DYNC1H1: variants seen among roughly 807,000 people sequenced by gnomAD.
DYNC1H1 encodes cytoplasmic dynein 1 heavy chain 1.
Under a neutral mutation model 527.1 loss-of-function variants are expected in DYNC1H1, and 51 were observed. That is an observed-to-expected ratio of 0.10 (90% CI 0.08 to 0.12). The LOEUF is 0.12. DYNC1H1 is among the 10% of genes least tolerant of loss of function. The pLI is 1.00. For synonymous variants in DYNC1H1, 2,189 were observed against 2,278.8 expected, an observed-to-expected ratio of 0.96 and a Z score of 1.12; for missense variants, 2,771 against 5,971.8, an observed-to-expected ratio of 0.46 and a Z score of 17.66.
chr14:102,046,798 GTTT>G (rs770862063), intron 72 of DYNC1H1, among the ~76,000 whole-genome samples: 1 of 142,860 alleles, frequency 7.0e-6, no homozygotes, highest in African/African-American at 2.6e-5. Context: ...TGCTGGTTCC[GTTT>G]TTTTTTTTTT....
chr14:101,964,940 G>C lies in DYNC1H1; in HGVS notation c.249G>C (p.Thr83=), dbSNP rs1024563256. 5.6e-6 allele frequency: 9 copies of C among 1,596,146 alleles called. No homozygotes were observed. Among genetic ancestry groups the C allele is most frequent in the Non-Finnish European group, 7.7e-6 (9 of 1,172,820 alleles). The change falls in exon 1 of 78, where the codon ACG becomes ACC. Residue 83 remains threonine, a synonymous_variant. Transcript: ENST00000360184. The surrounding 1 kb of genome is among the most constrained non-coding windows in gnomAD (Gnocchi z 5.5). ...ACACGGTGCTGGTGGAGCGCTCCAC[G>C]CTCAAAGGTGCGGGGCCGCGGAGGG... ...QVHTVLVERS[T]LKEDVGDEGE...
At chr14:101,994,370 A>G (rs199543342) in intron 12 of DYNC1H1, 46 bp downstream of exon 12, 2 of 1,613,226 alleles carry the variant, frequency 1.2e-6, no homozygotes, top group African/African-American at 1.3e-5. Context: ...GGTCTATTCT[A>G]GACACTTAAG....
Position 102,038,474 on chromosome 14 carries a change from C to T in DYNC1H1, c.10923C>T (p.Tyr3641=). The T allele has an allele frequency of 1.2e-6, 2 of 1,614,030 alleles. No individual in the cohort carries two copies. The highest frequency in any genetic ancestry group is 1.1e-5 in the South Asian group (1 of 91,060). Residue 3641 remains tyrosine (Y), a synonymous_variant, in exon 58 of 78, where the codon TAC becomes TAT. Coordinates refer to ENST00000360184, the MANE Select transcript of DYNC1H1 (RefSeq NM_001376.5). This position sits in a 1 kb window ranked among gnomAD's most constrained non-coding sequence, Gnocchi z 7.2. ...GTGGAATGCAGGATGTGGAAAGCTACGATCCAGTTTTGAACCCGGTGCTGA... is the reference window on the plus strand; with the variant it reads ...GTGGAATGCAGGATGTGGAAAGCTATGATCCAGTTTTGAACCCGGTGCTGA... The part of the protein sequence containing the change: ...NPLLVQDVES[Y]DPVLNPVLNR...
At chr14:102,046,895 C>A (rs1005025459) in intron 72 of DYNC1H1, among the ~76,000 whole-genome samples, 1 of 151,700 alleles carries the variant, frequency 6.6e-6, no homozygotes. Flanking sequence ...GCTTTCTGGG[C>A]TCAAGCGATC....
At position 102,005,369 on chromosome 14, in the gene DYNC1H1, T is replaced by C; in HGVS notation, c.5433+133T>C. 7.9e-7 allele frequency: 1 copy of C among 1,263,808 alleles called. No individual in the cohort carries two copies. The highest frequency in any genetic ancestry group is 1.1e-6 in the Non-Finnish European group (1 of 876,030). The allele number at this position is 1,263,808 out of a possible 1,614,324, so 78.3% of individuals were successfully genotyped here. ...AACAGTGGATGGTGTATGGATATCC[T>C]CTGAGGGTGGGCATTTGGCTCCCTG... On this transcript the variant is annotated intron_variant, in intron 26 of 77. Transcript: ENST00000360184. The surrounding 1 kb of genome is among the most constrained non-coding windows in gnomAD (Gnocchi z 4.0).
intron 1 of DYNC1H1, among the ~76,000 whole-genome samples, chr14:101,973,325 A>T (rs1047226538): frequency 4.6e-5 from 7 of 151,870 alleles, no homozygotes; most frequent in African/African-American, 1.7e-4. Context: ...CACCCAGCTA[A>T]TTTTTTTAAT....
At chr14:102,026,731 C>T (rs969123764) in intron 44 of DYNC1H1, 24 bp downstream of exon 44, 1 of 1,611,690 alleles carries the variant, frequency 6.2e-7, no homozygotes, top group Non-Finnish European at 8.5e-7. Context: ...TTGTTACAGC[C>T]CCACCTCTCG....
At chr14:102,028,228 A>C in intron 48 of DYNC1H1, 87 bp downstream of exon 48, 1 of 1,489,096 alleles carries the variant, frequency 6.7e-7, no homozygotes, top group Non-Finnish European at 9.3e-7. Context: ...AATAGACCTT[A>C]AGGCCAGGTG....
chr14:102,041,315 G>A lies in DYNC1H1; in HGVS notation c.11942-259G>A. 1 of 537,486 alleles carries A rather than the reference G, an allele frequency of 1.9e-6. No individual in the cohort carries two copies. Among genetic ancestry groups the A allele is most frequent in the South Asian group, 2.0e-5 (1 of 51,250 alleles). The allele number at this position is 537,486 out of a possible 1,614,324, so 33.3% of individuals were successfully genotyped here. A position where few individuals can be genotyped will look rare whatever the true frequency, so the allele number is the denominator to read the frequency against. Reference sequence around the variant, plus strand: ...TTCAGGTGTTCTCAGGAAGTGAGCAGGTATTAGTTTAGTAATCTAAAAATC... The same window carrying A: ...TTCAGGTGTTCTCAGGAAGTGAGCAAGTATTAGTTTAGTAATCTAAAAATC... On this transcript the variant is annotated intron_variant, in intron 64 of 77. Coordinates refer to ENST00000360184, the MANE Select transcript of DYNC1H1 (RefSeq NM_001376.5). The surrounding 1 kb of genome is among the most constrained non-coding windows in gnomAD (Gnocchi z 4.5).
In DYNC1H1 at chr14:102,002,412, C is replaced by G. The variant is rs1211514199; in HGVS notation, c.4543-125C>G. 1 of 1,349,232 alleles carries G rather than the reference C, an allele frequency of 7.4e-7. No homozygotes were observed. The highest frequency in any genetic ancestry group is 1.1e-6 in the Non-Finnish European group (1 of 950,694). 83.6% of individuals were successfully genotyped at this position (1,349,232 alleles called of 1,614,324 possible). ...AGGCGTGAGCCACCACACCCGTCTACTTGTTGTTTAAAATGTGAATCAGAT... is the reference window on the plus strand; with the variant it reads ...AGGCGTGAGCCACCACACCCGTCTAGTTGTTGTTTAAAATGTGAATCAGAT... On this transcript the variant is annotated intron_variant, in intron 21 of 77. Coordinates refer to ENST00000360184, the MANE Select transcript of DYNC1H1 (RefSeq NM_001376.5). This position sits in a 1 kb window ranked among gnomAD's most constrained non-coding sequence, Gnocchi z 4.4.
chr14:101,973,737 A>G (rs1188183071), intron 1 of DYNC1H1, among the ~76,000 whole-genome samples: 2 of 152,178 alleles, frequency 1.3e-5, no homozygotes, highest in African/African-American at 4.8e-5. Flanking sequence ...CCAGAAGATC[A>G]AGACTACAGT....
rs201722021 is a variant in DYNC1H1, at chr14:102,042,622, C to T, written c.12400-13C>T. The stretch of plus-strand genomic sequence containing the variant: ...CCACACCCGAGCATAACTGGAACGG[C>T]GCTCTCCCTTAGGTGCCTGTGAATC... On this transcript the variant is annotated splice_polypyrimidine_tract_variant and intron_variant, in intron 68 of 77. Transcript: ENST00000360184. The surrounding 1 kb of genome is among the most constrained non-coding windows in gnomAD (Gnocchi z 5.7). The T allele has an allele frequency of 3.8e-5, 62 of 1,614,090 alleles. No homozygotes were observed. The Admixed American group carries it at 4.5e-4, about 12-fold the overall frequency.
At chr14:102,019,015 G>A (rs2048355769) in intron 41 of DYNC1H1, among the ~76,000 whole-genome samples, 1 of 152,188 alleles carries the variant, frequency 6.6e-6, no homozygotes, top group African/African-American at 2.4e-5. Context: ...TGAGCCGAGA[G>A]ACTTTCTCCA....
At position 102,044,766 on chromosome 14, in the gene DYNC1H1, C is replaced by T. The variant is rs899749184; in HGVS notation, c.13006+68C>T. ...GGGTCCCCTCACGCGGGGTGGGTGG[C>T]GAGGGTCCCCACACGCAGGGTGAGT... On this transcript the variant is annotated intron_variant, in intron 72 of 77. Coordinates refer to ENST00000360184, the MANE Select transcript of DYNC1H1 (RefSeq NM_001376.5). The surrounding 1 kb of genome is among the most constrained non-coding windows in gnomAD (Gnocchi z 7.1). The T allele has an allele frequency of 6.3e-6, 9 of 1,417,604 alleles. No individual in the cohort carries two copies. The highest frequency in any genetic ancestry group is 2.6e-5 in the South Asian group (2 of 77,226). The allele number at this position is 1,417,604 out of a possible 1,614,324, so 87.8% of individuals were successfully genotyped here.
At chr14:102,013,774 C>T (rs755097051) in intron 34 of DYNC1H1, among the ~76,000 whole-genome samples, 1 of 152,162 alleles carries the variant, frequency 6.6e-6, no homozygotes, top group Non-Finnish European at 1.5e-5. Flanking sequence ...GGGTGAAAGC[C>T]AGGAGGCCAG....
rs939154075 is a variant in DYNC1H1 at position 102,020,539 on chromosome 14, T to G, written c.8507+483T>G. On this transcript the variant is annotated intron_variant, in intron 42 of 77. Coordinates refer to ENST00000360184, the MANE Select transcript of DYNC1H1 (RefSeq NM_001376.5). This position sits in a 1 kb window ranked among gnomAD's most constrained non-coding sequence, Gnocchi z 4.3. ...CCACCCCTCTTCCTGTTTCTCAGTC[T>G]GTGTTCTCATCAAAGGCTTTGCAGC... 6.6e-6 allele frequency among the ~76,000 whole-genome samples: 1 copy of G among 152,204 alleles called. No homozygotes were observed. The highest frequency in any genetic ancestry group is 1.5e-5 in the Non-Finnish European group (1 of 68,042).
intron 63 of DYNC1H1, 73 bp from the exon 64 acceptor site, chr14:102,040,525 C>A: frequency 6.2e-7 from 1 of 1,612,074 alleles, no homozygotes. Context: ...TCGCGTCAGA[C>A]TCTCGCTCAG....
chr14:102,015,242 C>T lies in DYNC1H1; in HGVS notation c.7152C>T (p.Ser2384=), dbSNP rs376471830. ...ACAACTTCCTGGCCAGGCTGCGCAG[C>T]ATCCCGCTGGATGAAGGGGAGGATG... ...IFNNFLARLR[S]IPLDEGEDEA... is the part of the protein sequence containing the mutation. The change falls in exon 35 of 78, where the codon AGC becomes AGT. Residue 2384 remains serine, a synonymous_variant. Coordinates refer to ENST00000360184, the MANE Select transcript of DYNC1H1 (RefSeq NM_001376.5). The surrounding 1 kb of genome is among the most constrained non-coding windows in gnomAD (Gnocchi z 6.9). 6.6e-5 allele frequency: 107 copies of T among 1,614,244 alleles called. No individual in the cohort carries two copies. In the East Asian group the frequency reaches 1.7e-3, roughly 25 times the overall value.
In DYNC1H1 at chr14:102,022,755, G is replaced by A. The variant is rs1375241221; in HGVS notation, c.8512G>A (p.Val2838Ile). Reference sequence around the variant, plus strand: ...CACATGCTGCTCTCCCCACAGACTCGTAGAGGATGAGGAGAGGCGTTGGAC... The same window carrying A: ...CACATGCTGCTCTCCCCACAGACTCATAGAGGATGAGGAGAGGCGTTGGAC... ...EALRLFQDRL[V>I]EDEERRWTDE... Residue 2838 changes from valine (V) to isoleucine (I), a missense_variant, in exon 43 of 78, where the codon GTA becomes ATA. By Grantham distance (29) the Val-to-Ile change is conservative. Around this residue, in one of 32 missense-constraint regions of DYNC1H1, gnomAD observed 163 missense variants for 346.9 expected, o/e 0.47. Coordinates refer to ENST00000360184, the MANE Select transcript of DYNC1H1 (RefSeq NM_001376.5). 4 of 1,614,114 alleles carry A rather than the reference G, an allele frequency of 2.5e-6. No homozygotes were observed. Among genetic ancestry groups the A allele is most frequent in the East Asian group, 2.2e-5 (1 of 44,888 alleles).
Sources: gnomAD v4.1 joint callset for allele counts (sites outside exome capture counted in the v4.1 genomes callset) on GRCh38, gnomAD v4.1.1 for gene constraint, gnomAD v4.1.1 regional missense constraint, Gnocchi (gnomAD v3.1) non-coding constraint, MANE v1.5 for transcripts, NCBI Gene and HGNC (gene_info 2026-07-23, HGNC 2026-07-21) for gene names.